JAKMIP2: variants seen among roughly 807,000 people sequenced by gnomAD.
JAKMIP2 encodes the protein janus kinase and microtubule interacting protein 2, also known as janus kinase and microtubule-interacting protein 2.
JAKMIP2 carries 25 observed loss-of-function variants against 115.0 expected under a neutral mutation model. That is an observed-to-expected ratio of 0.22 (90% CI 0.16 to 0.30). The LOEUF (loss-of-function observed/expected upper bound fraction) is 0.30, where lower values mean the gene tolerates loss of function less well. Among genes scored for constraint, JAKMIP2 ranks in the 10% least tolerant of loss-of-function variants. The pLI, the probability that JAKMIP2 is intolerant of heterozygous loss-of-function variation, is 1.00. For synonymous variants in JAKMIP2, 334 were observed against 343.6 expected (o/e 0.97, Z 0.31); for missense variants, 642 against 957.6 (o/e 0.67, Z 4.35).
At chr5:147,769,086 C>T (rs1450999933) in intron 1 of JAKMIP2, among the ~76,000 whole-genome samples, 1 of 152,074 alleles carries the variant, frequency 6.6e-6, no homozygotes, top group Non-Finnish European at 1.5e-5. Flanking sequence ...AGAGTAGTTC[C>T]TGCCTCAATG....
chr5:147,690,584 T>TAC (rs1491521047), intron 1 of JAKMIP2, among the ~76,000 whole-genome samples: 15 of 98,366 alleles, frequency 1.5e-4, no homozygotes, highest in African/African-American at 4.9e-4. Flanking sequence ...TATATATATA[T>TAC]GCACATATGC....
At chr5:147,626,287 CA>C (rs1333169406) in intron 16 of JAKMIP2, among the ~76,000 whole-genome samples, 1 of 152,218 alleles carries the variant, frequency 6.6e-6, no homozygotes, top group Non-Finnish European at 1.5e-5. Context: ...CTTTCTACCA[CA>C]GTGCTAAGCA....
rs1439142794 is a variant in JAKMIP2 at position 147,782,473 on chromosome 5, A to G, written c.-166T>C. 3 of 1,535,962 alleles carry G rather than the reference A, an allele frequency of 2.0e-6. No individual in the cohort carries two copies. In the Admixed American group the frequency reaches 5.9e-5, roughly 30 times the overall value. ...CTACTCACCATGCTGAGACCCGGAG[A>G]AGCTGTTTAAAGGAGGGAGAGATGC... is the stretch of plus-strand genomic sequence containing the variant. On this transcript the variant is annotated 5_prime_UTR_variant, in exon 1 of 22. Coordinates refer to ENST00000616793, the MANE Select transcript of JAKMIP2 (RefSeq NM_001270941.2).
At chr5:147,678,579 T>G (rs1214384152) in intron 1 of JAKMIP2, among the ~76,000 whole-genome samples, 1 of 151,960 alleles carries the variant, frequency 6.6e-6, no homozygotes, top group East Asian at 1.9e-4. Flanking sequence ...ATAATAGCAT[T>G]ATTCTTTTTG....
intron 17 of JAKMIP2, among the ~76,000 whole-genome samples, chr5:147,621,377 C>T (rs1756840043): frequency 6.6e-6 from 1 of 152,106 alleles, no homozygotes. Flanking sequence ...CAACATAGTC[C>T]CAAGCACAAG....
intron 19 of JAKMIP2, among the ~76,000 whole-genome samples, chr5:147,614,016 A>C (rs569406850): frequency 3.9e-5 from 6 of 152,342 alleles, no homozygotes; most frequent in African/African-American, 1.4e-4. Context: ...AATTTGCTAG[A>C]TATTTCCACC....
chr5:147,606,365 T>C (rs1411206398), intron 20 of JAKMIP2, among the ~76,000 whole-genome samples: 1 of 152,178 alleles, frequency 6.6e-6, no homozygotes, highest in Non-Finnish European at 1.5e-5. Context: ...TCGTATAAGG[T>C]GTAAGGAAGG....
In JAKMIP2 at chr5:147,711,486, T is replaced by C. The variant is rs13356245; in HGVS notation, c.-148-39532A>G. On this transcript the variant is annotated intron_variant, in intron 1 of 21. Coordinates refer to ENST00000616793, the MANE Select transcript of JAKMIP2 (RefSeq NM_001270941.2). ...AGAAAAGGAAGGCAAAGGGGGCATA[T>C]TGGTTAAGAGTATAGACAGCCTAAA... 9.2e-3 allele frequency among the ~76,000 whole-genome samples: 1,402 copies of C among 152,184 alleles called. 17 individuals carry two copies. The highest frequency in any genetic ancestry group is 0.031 in the African/African-American group (1,296 of 41,516).
chr5:147,672,626 A>C (rs1231426458), intron 1 of JAKMIP2, among the ~76,000 whole-genome samples: 1 of 152,212 alleles, frequency 6.6e-6, no homozygotes, highest in African/African-American at 2.4e-5. Flanking sequence ...TAATCTGATA[A>C]GAGTTTTTTA....
intron 1 of JAKMIP2, among the ~76,000 whole-genome samples, chr5:147,672,585 T>A (rs1192158696): frequency 6.6e-6 from 1 of 152,176 alleles, no homozygotes; most frequent in African/African-American, 2.4e-5. Flanking sequence ...TATCTATCTA[T>A]CAACGATCTA....
intron 1 of JAKMIP2, among the ~76,000 whole-genome samples, chr5:147,682,989 A>G (rs2288827): frequency 0.2 from 30,250 of 152,098 alleles, 4,026 homozygotes; most frequent in East Asian, 0.45. Flanking sequence ...TAAGTGTCAT[A>G]TAGTCTTATT....
chr5:147,706,236 C>T (rs1752555066), intron 1 of JAKMIP2, among the ~76,000 whole-genome samples: 1 of 152,086 alleles, frequency 6.6e-6, no homozygotes, highest in South Asian at 2.1e-4. Context: ...TGAATTCCCT[C>T]GGTTCACTGA....
chr5:147,661,447 TA>T lies in JAKMIP2; in HGVS notation c.130-3del. On this transcript the variant is annotated splice_region_variant and splice_polypyrimidine_tract_variant and intron_variant, in intron 2 of 21. Transcript: ENST00000616793. ...CTTCTCTCTTTCAAGCTTTGATACC[TA>T]AAAACAGAGAGGCGAAATGATGAAG... 6.2e-7 allele frequency: 1 copy of T among 1,605,580 alleles called. No individual in the cohort carries two copies. The highest frequency in any genetic ancestry group is 8.5e-7 in the Non-Finnish European group (1 of 1,176,336).
intron 1 of JAKMIP2, among the ~76,000 whole-genome samples, chr5:147,731,996 C>A (rs1753751336): frequency 1.3e-5 from 2 of 152,168 alleles, no homozygotes. Flanking sequence ...GTGTGTTGTG[C>A]ATACAAAACA....
chr5:147,712,792 C>T (rs2288825), intron 1 of JAKMIP2, among the ~76,000 whole-genome samples: 70,015 of 151,954 alleles, frequency 0.46, 17,566 homozygotes, highest in African/African-American at 0.66. Flanking sequence ...CCTACGAATG[C>T]TTAAAAGCAA....
chr5:147,750,046 C>G (rs1457770692), intron 1 of JAKMIP2, among the ~76,000 whole-genome samples: 2 of 152,148 alleles, frequency 1.3e-5, no homozygotes, highest in Non-Finnish European at 2.9e-5. Context: ...ACATGGTTAG[C>G]ACTCAGCAAG....
chr5:147,713,505 G>T (rs966701630), intron 1 of JAKMIP2, among the ~76,000 whole-genome samples: 3 of 152,144 alleles, frequency 2.0e-5, no homozygotes, highest in African/African-American at 7.2e-5. Context: ...ACAATTTTAA[G>T]TACATATGAA....
chr5:147,709,131 T>G (rs967879377), intron 1 of JAKMIP2, among the ~76,000 whole-genome samples: 2 of 152,222 alleles, frequency 1.3e-5, no homozygotes, highest in African/African-American at 4.8e-5. Flanking sequence ...TTGTTCACGT[T>G]TACTAAATAA....
intron 3 of JAKMIP2, among the ~76,000 whole-genome samples, chr5:147,659,475 T>C (rs1758850437): frequency 6.6e-6 from 1 of 152,194 alleles, no homozygotes; most frequent in African/African-American, 2.4e-5. Flanking sequence ...GCTGTTTCCA[T>C]TCGGCCATCT....
Sources: gnomAD v4.1 joint callset for allele counts (sites outside exome capture counted in the v4.1 genomes callset) on GRCh38, gnomAD v4.1.1 for gene constraint, MANE v1.5 for transcripts, NCBI Gene and HGNC (gene_info 2026-07-23, HGNC 2026-07-21) for gene names.